Variants in RRP1B observed in about 807,000 individuals in gnomAD.
The protein encoded by RRP1B is ribosomal RNA processing 1B.
In RRP1B, 56 loss-of-function variants were observed where a neutral mutation model predicts 80.2. The observed-to-expected ratio is 0.70, with a 90% confidence interval of 0.56 to 0.87. The LOEUF (loss-of-function observed/expected upper bound fraction) is 0.87, where lower values mean the gene tolerates loss of function less well. RRP1B is among the 40% of genes least tolerant of loss of function. The pLI is 0.00. For missense variants in RRP1B, 807 were observed against 939.8 expected (o/e 0.86, Z 1.85); for synonymous variants, 351 against 357.6 (o/e 0.98, Z 0.21).
Position 43,687,904 on chromosome 21 carries a change from T to C in RRP1B, c.1530T>C (p.Pro510=). ...SGPSGSHPQG[P]RGSPTGGAQL... The stretch of plus-strand genomic sequence containing the variant: ...CGAGTGGCAGTCATCCTCAGGGACC[T>C]AGAGGGTCCCCGACAGGTGGAGCCC... The change falls in exon 13 of 16, where the codon CCT becomes CCC. Residue 510 remains proline (P), a synonymous_variant. Coordinates refer to ENST00000340648, the MANE Select transcript of RRP1B (RefSeq NM_015056.3). 1 of 1,613,216 alleles carries C rather than the reference T, an allele frequency of 6.2e-7. No individual in the cohort carries two copies. Among genetic ancestry groups the C allele is most frequent in the Non-Finnish European group, 8.5e-7 (1 of 1,180,026 alleles).
intron 1 of RRP1B, among the ~76,000 whole-genome samples, chr21:43,666,623 C>A (rs1310222491): frequency 6.6e-6 from 1 of 150,516 alleles, no homozygotes; most frequent in Admixed American, 6.6e-5. Flanking sequence ...GAGGCTGAGG[C>A]AGGAGAATCG....
chr21:43,679,533 A>G (rs1389691008), intron 8 of RRP1B, among the ~76,000 whole-genome samples: 1 of 152,154 alleles, frequency 6.6e-6, no homozygotes, highest in Non-Finnish European at 1.5e-5. Flanking sequence ...TCAGCCTCCC[A>G]AAGTGCCGGG....
Position 43,694,493 on chromosome 21 carries a change from G to A in RRP1B, c.*1110G>A, listed in dbSNP as rs1013682463. 4 of 152,278 alleles carry A rather than the reference G, an allele frequency of 2.6e-5. No individual in the cohort carries two copies. The highest frequency in any genetic ancestry group is 9.6e-5 in the African/African-American group (4 of 41,460). 9.4% of individuals were successfully genotyped at this position (152,278 alleles called of 1,614,324 possible). On this transcript the variant is annotated 3_prime_UTR_variant, in exon 16 of 16. Coordinates refer to ENST00000340648, the MANE Select transcript of RRP1B (RefSeq NM_015056.3). ...AGTGTCTGACCTGGGCCTGAGAGCT[G>A]GAGAAGGTGCAGATTCAAAGTGAGC... is the stretch of plus-strand genomic sequence containing the variant.
At chr21:43,674,777 G>C in intron 5 of RRP1B, 80 bp downstream of exon 5, 11 of 1,260,416 alleles carry the variant, frequency 8.7e-6, no homozygotes, top group Non-Finnish European at 1.2e-5. Context: ...TGAACTTGTA[G>C]AGTACCAATG....
intron 2 of RRP1B, among the ~76,000 whole-genome samples, chr21:43,671,611 A>T (rs924571940): frequency 5.3e-5 from 8 of 151,750 alleles, no homozygotes; most frequent in South Asian, 2.1e-4. Flanking sequence ...CGAGCGATCC[A>T]CCCGCCTCGG....
rs560657923 is a variant in RRP1B, at chr21:43,694,695, C to G, written c.*1312C>G. 1 of 152,482 alleles carries G rather than the reference C, an allele frequency of 6.6e-6. No individual in the cohort carries two copies. Among genetic ancestry groups the G allele is most frequent in the South Asian group, 2.1e-4 (1 of 4,830 alleles). 9.4% of individuals were successfully genotyped at this position (152,482 alleles called of 1,614,324 possible). A position where few individuals can be genotyped will look rare whatever the true frequency, so the allele number is the denominator to read the frequency against. ...CCTCCTTCCCGTTATGCCCCCCATA[C>G]AGGAGCCTCGGTTTTTCAGCAAAAC... is the stretch of plus-strand genomic sequence containing the variant. On this transcript the variant is annotated 3_prime_UTR_variant, in exon 16 of 16. Transcript: ENST00000340648.
rs184593077 is a variant in RRP1B, at chr21:43,681,386, G to C, written c.797-1893G>C. Among the ~76,000 whole-genome samples, 203 of 144,818 alleles carry C rather than the reference G, an allele frequency of 1.4e-3. 1 individual carries two copies. The highest frequency in any genetic ancestry group is 4.4e-3 in the African/African-American group (170 of 38,622). ...TTTTTTTTTTTTGAGATGGAGTTTC[G>C]CTCTTGTCGCCCAGGCTGGAGTGCA... On this transcript the variant is annotated intron_variant, in intron 8 of 15. Transcript: ENST00000340648.
chr21:43,673,262 G>C (rs944380250), intron 3 of RRP1B, among the ~76,000 whole-genome samples: 9 of 152,176 alleles, frequency 5.9e-5, no homozygotes, highest in African/African-American at 2.2e-4. Context: ...GTGGATAAAG[G>C]AAAAATGCTC....
At chr21:43,673,642 A>G (rs1205624215) in intron 3 of RRP1B, among the ~76,000 whole-genome samples, 1 of 135,114 alleles carries the variant, frequency 7.4e-6, no homozygotes, top group South Asian at 2.1e-4. Context: ...TCCAAAAAAA[A>G]AAAAAAAAAA....
intron 10 of RRP1B, 45 bp downstream of exon 10, chr21:43,684,695 T>G: frequency 1.4e-6 from 2 of 1,481,084 alleles, no homozygotes; most frequent in East Asian, 4.5e-5. Context: ...TTCCTTTAGT[T>G]CTCATCTCCT....
intron 1 of RRP1B, among the ~76,000 whole-genome samples, chr21:43,661,334 A>G (rs1317429559): frequency 6.6e-6 from 1 of 152,134 alleles, no homozygotes; most frequent in Non-Finnish European, 1.5e-5. Context: ...GATGCCAAAA[A>G]AAGTTCTGTT....
At chr21:43,671,690 G>GGTT (rs763056074) in intron 2 of RRP1B, among the ~76,000 whole-genome samples, 29 of 150,418 alleles carry the variant, frequency 1.9e-4, no homozygotes, top group Admixed American at 1.5e-3. Context: ...GGGGTTTTTT[G>GGTT]GTTGTTGTTG....
At position 43,659,814 on chromosome 21, in the gene RRP1B, C is replaced by G. The variant is rs1475498831; in HGVS notation, c.130+20C>G. 2 of 1,494,834 alleles carry G rather than the reference C, an allele frequency of 1.3e-6. No individual in the cohort carries two copies. Among genetic ancestry groups the G allele is most frequent in the African/African-American group, 1.4e-5 (1 of 69,302 alleles). 92.6% of individuals were successfully genotyped at this position (1,494,834 alleles called of 1,614,324 possible). ...AGACAGGTGGGCGCACGGCCGCGGTCAGCCGCGCCACATGGCGGGCCGGGG... is the reference window on the plus strand; with the variant it reads ...AGACAGGTGGGCGCACGGCCGCGGTGAGCCGCGCCACATGGCGGGCCGGGG... On this transcript the variant is annotated intron_variant, in intron 1 of 15. Coordinates refer to ENST00000340648, the MANE Select transcript of RRP1B (RefSeq NM_015056.3). This position sits in a 1 kb window ranked among gnomAD's most constrained non-coding sequence, Gnocchi z 4.2.
rs970894818 is a variant in RRP1B at position 43,693,535 on chromosome 21, G to T, written c.*152G>T. ...GAGTGCCCGCAGGCTGCTGCGTCCT[G>T]GCCCCTCTGTAGTGGCTGCGGGCGT... On this transcript the variant is annotated 3_prime_UTR_variant, in exon 16 of 16. Transcript: ENST00000340648. The surrounding 1 kb of genome is among the most constrained non-coding windows in gnomAD (Gnocchi z 4.1). 1.4e-6 allele frequency: 1 copy of T among 694,888 alleles called. No homozygotes were observed. The highest frequency in any genetic ancestry group is 2.2e-6 in the Non-Finnish European group (1 of 448,250). 43.0% of individuals were successfully genotyped at this position (694,888 alleles called of 1,614,324 possible). A position where few individuals can be genotyped will look rare whatever the true frequency, so the allele number is the denominator to read the frequency against.
intron 8 of RRP1B, among the ~76,000 whole-genome samples, chr21:43,679,634 A>G (rs2083035721): frequency 6.6e-6 from 1 of 152,078 alleles, no homozygotes; most frequent in African/African-American, 2.4e-5. Context: ...TTGATTCCAT[A>G]TGAATTTTAG....
chr21:43,676,221 G>T, intron 6 of RRP1B, 51 bp from the exon 7 acceptor site: 1 of 1,345,598 alleles, frequency 7.4e-7, no homozygotes, highest in South Asian at 1.2e-5. Context: ...TCAAGGACAT[G>T]TCAAGAAGGG....
intron 1 of RRP1B, among the ~76,000 whole-genome samples, chr21:43,667,041 G>GT (rs10712490): frequency 7.9e-4 from 118 of 149,746 alleles, no homozygotes; most frequent in East Asian, 2.5e-3. Context: ...ACAGTTGGGT[G>GT]TTTTTTTTTT....
At chr21:43,682,093 C>T (rs1282502571) in intron 8 of RRP1B, among the ~76,000 whole-genome samples, 1 of 152,142 alleles carries the variant, frequency 6.6e-6, no homozygotes, top group Admixed American at 6.5e-5. Flanking sequence ...ATAATGAGAC[C>T]CCCATCTCTA....
intron 4 of RRP1B, 50 bp downstream of exon 4, chr21:43,674,005 C>A: frequency 7.4e-7 from 1 of 1,347,204 alleles, no homozygotes. Flanking sequence ...AAAAGAATGT[C>A]CTTTATCTTA....
Sources: gnomAD v4.1 joint callset for allele counts (sites outside exome capture counted in the v4.1 genomes callset) on GRCh38, gnomAD v4.1.1 for gene constraint, Gnocchi (gnomAD v3.1) non-coding constraint, MANE v1.5 for transcripts, NCBI Gene and HGNC (gene_info 2026-07-23, HGNC 2026-07-21) for gene names.